Variants in SLC35E3 observed in about 807,000 individuals in gnomAD.
SLC35E3 encodes solute carrier family 35 member E3.
Under a neutral mutation model 30.8 loss-of-function variants are expected in SLC35E3, and 28 were observed. The ratio of observed to expected loss-of-function variants is 0.91; its 90% CI spans 0.67 to 1.25. The LOEUF (loss-of-function observed/expected upper bound fraction) is 1.25. SLC35E3 is among the 50% of genes most tolerant of loss of function. SLC35E3 has a pLI of 0.00. For missense variants in SLC35E3, 365 were observed against 375.4 expected, an observed-to-expected ratio of 0.97 and a Z score of 0.23; for synonymous variants, 146 against 149.2, an observed-to-expected ratio of 0.98 and a Z score of 0.16.
chr12:68,772,150 G>GC lies in SLC35E3; in HGVS notation c.*7262dup, dbSNP rs1457772916. ...CCTCCCGGGTTCAAGCGATTCTCCC[G>GC]CCTCTGCCTCCCGAGTAGCTGAGAT... On this transcript the variant is annotated 3_prime_UTR_variant, in exon 5 of 5. Transcript: ENST00000398004. The GC allele has an allele frequency of 6.6e-6, 1 of 151,684 alleles. No homozygotes were observed. Among genetic ancestry groups the GC allele is most frequent in the Admixed American group, 6.6e-5 (1 of 15,190 alleles). 9.4% of individuals were successfully genotyped at this position (151,684 alleles called of 1,614,324 possible).
chr12:68,747,419 G>A (rs900349100), intron 1 of SLC35E3, among the ~76,000 whole-genome samples: 97 of 152,140 alleles, frequency 6.4e-4, no homozygotes, highest in South Asian at 2.1e-4. Context: ...ACAGGCATGC[G>A]CCACCACGCC....
rs1389117466 is a variant in SLC35E3 at position 68,774,837 on chromosome 12, A to AG, written c.*9947_*9948insG. The AG allele has an allele frequency of 0.29, 41,589 of 143,374 alleles. 7,568 individuals are homozygous for AG. The highest frequency in any genetic ancestry group is 0.41 in the Non-Finnish European group (27,018 of 65,562). 8.9% of individuals were successfully genotyped at this position (143,374 alleles called of 1,614,324 possible). ...CCTATCTCTTAAAAAAAAAAAAAAA[A>AG]AGATAAAATAAAAGAAATTGGGTCT... On this transcript the variant is annotated 3_prime_UTR_variant, in exon 5 of 5. Transcript: ENST00000398004.
chr12:68,764,716 C>A lies in SLC35E3; in HGVS notation c.768C>A (p.Phe256Leu). The A allele has an allele frequency of 1.2e-6, 2 of 1,613,626 alleles. No individual in the cohort carries two copies. Among genetic ancestry groups the A allele is most frequent in the South Asian group, 1.1e-5 (1 of 90,992 alleles). The part of the protein sequence containing the change: ...GNTSPVTYNM[F>L]GHFKFCITLF... Reference sequence around the variant, plus strand: ...CCAAAAACCTCAGCTATAACATGTTCGGACACTTCAAGTTCTGCATTACTT... The same window carrying A: ...CCAAAAACCTCAGCTATAACATGTTAGGACACTTCAAGTTCTGCATTACTT... The change falls in exon 5 of 5, where the codon TTC (phenylalanine) becomes TTA (leucine). Residue 256 changes from phenylalanine (F) to leucine (L), a missense_variant. Physicochemically the swap from Phe to Leu is conservative, Grantham distance 22 (BLOSUM62 0). Coordinates refer to ENST00000398004, the MANE Select transcript of SLC35E3 (RefSeq NM_018656.5).
chr12:68,749,637 C>T (rs1878717940), intron 2 of SLC35E3, among the ~76,000 whole-genome samples: 1 of 152,150 alleles, frequency 6.6e-6, no homozygotes, highest in Non-Finnish European at 1.5e-5. Flanking sequence ...GAAGTGGCAG[C>T]TCTTAAAGAG....
In SLC35E3 at chr12:68,765,091, A is replaced by G. The variant is rs2136079807; in HGVS notation, c.*201A>G. Reference sequence around the variant, plus strand: ...GACCAACATGGAGAAACCCTGTCTCAACTAATAATACAAAATTAGCCAGGC... The same window carrying G: ...GACCAACATGGAGAAACCCTGTCTCGACTAATAATACAAAATTAGCCAGGC... On this transcript the variant is annotated 3_prime_UTR_variant, in exon 5 of 5. Transcript: ENST00000398004. 3 of 400,636 alleles carry G rather than the reference A, an allele frequency of 7.5e-6. No individual in the cohort carries two copies. In the South Asian group the frequency reaches 1.0e-4, roughly 14 times the overall value. 24.8% of individuals were successfully genotyped at this position (400,636 alleles called of 1,614,324 possible). A position where few individuals can be genotyped will look rare whatever the true frequency, so the allele number is the denominator to read the frequency against.
chr12:68,772,046 T>A lies in SLC35E3; in HGVS notation c.*7156T>A, dbSNP rs1369378361. On this transcript the variant is annotated 3_prime_UTR_variant, in exon 5 of 5. Transcript: ENST00000398004. ...CTTTTTTTTAATTTTAATTTTTATT[T>A]TTTATTTTTTGAGACAGAGTTTCCT... 1.3e-5 allele frequency: 2 copies of A among 152,100 alleles called. No homozygotes were observed. Among genetic ancestry groups the A allele is most frequent in the Non-Finnish European group, 1.5e-5 (1 of 68,030 alleles). The allele number at this position is 152,100 out of a possible 1,614,324, so 9.4% of individuals were successfully genotyped here.
At chr12:68,747,114 G>A (rs941919043) in intron 1 of SLC35E3, among the ~76,000 whole-genome samples, 5 of 152,042 alleles carry the variant, frequency 3.3e-5, no homozygotes, top group African/African-American at 1.2e-4. Flanking sequence ...CTCCCCCAGG[G>A]GAATCAAATC....
intron 1 of SLC35E3, among the ~76,000 whole-genome samples, chr12:68,747,081 A>G (rs1878612769): frequency 6.6e-6 from 1 of 152,192 alleles, no homozygotes. Flanking sequence ...ATATCTGCAA[A>G]AGCTCAAACA....
intron 3 of SLC35E3, among the ~76,000 whole-genome samples, chr12:68,753,846 C>T (rs974967437): frequency 6.1e-5 from 9 of 148,502 alleles, no homozygotes; most frequent in Non-Finnish European, 1.3e-4. Context: ...CCCAATTAAA[C>T]ATCTATTTCT....
intron 4 of SLC35E3, among the ~76,000 whole-genome samples, chr12:68,762,942 G>A (rs1436011183): frequency 2.0e-5 from 3 of 152,044 alleles, no homozygotes; most frequent in African/African-American, 4.8e-5. Flanking sequence ...TGTGAACACT[G>A]AGCTCTGCCA....
intron 2 of SLC35E3, among the ~76,000 whole-genome samples, chr12:68,749,554 C>CG (rs1878714909): frequency 6.6e-6 from 1 of 152,126 alleles, no homozygotes; most frequent in Non-Finnish European, 1.5e-5. Flanking sequence ...AGTGTAGAAA[C>CG]ACAAAGAGAC....
chr12:68,761,951 C>T (rs1464216786), intron 4 of SLC35E3, among the ~76,000 whole-genome samples: 2 of 151,858 alleles, frequency 1.3e-5, no homozygotes, highest in Admixed American at 1.3e-4. Context: ...GTGCTCAGTT[C>T]GGGGAGTATT....
rs1419138587 is a variant in SLC35E3 at position 68,781,445 on chromosome 12, A to G, written c.*16555A>G. On this transcript the variant is annotated 3_prime_UTR_variant, in exon 5 of 5. Coordinates refer to ENST00000398004, the MANE Select transcript of SLC35E3 (RefSeq NM_018656.5). ...ATCCCATGACTACTCTGTTTTGCTA[A>G]TAATAAACCAATACAGTGCTACAGA... 1 of 152,220 alleles carries G rather than the reference A, an allele frequency of 6.6e-6. No homozygotes were observed. Among genetic ancestry groups the G allele is most frequent in the Non-Finnish European group, 1.5e-5 (1 of 68,042 alleles). The allele number at this position is 152,220 out of a possible 1,614,324, so 9.4% of individuals were successfully genotyped here.
chr12:68,759,931 G>C, intron 4 of SLC35E3: 1 of 152,370 alleles, frequency 6.6e-6, no homozygotes. Context: ...TAGAGGAATG[G>C]TTAACAAATA....
intron 4 of SLC35E3, 65 bp downstream of exon 4, chr12:68,759,304 T>C (rs1879160160): frequency 2.6e-6 from 3 of 1,156,594 alleles, no homozygotes. Flanking sequence ...TTACATTCAT[T>C]ACCTTATTTG....
At chr12:68,763,177 A>T (rs1358521620) in intron 4 of SLC35E3, among the ~76,000 whole-genome samples, 1 of 152,192 alleles carries the variant, frequency 6.6e-6, no homozygotes, top group Non-Finnish European at 1.5e-5. Context: ...TGTGTATATT[A>T]ACTTATTTAA....
intron 2 of SLC35E3, 132 bp from the exon 3 acceptor site, chr12:68,751,900 A>G: frequency 1.3e-6 from 1 of 786,608 alleles, no homozygotes; most frequent in Non-Finnish European, 1.9e-6. Context: ...GAAATCTTGT[A>G]GAATAATTAG....
chr12:68,774,340 A>C lies in SLC35E3; in HGVS notation c.*9450A>C. 1 of 152,158 alleles carries C rather than the reference A, an allele frequency of 6.6e-6. No individual in the cohort carries two copies. Among genetic ancestry groups the C allele is most frequent in the Non-Finnish European group, 1.5e-5 (1 of 68,074 alleles). 9.4% of individuals were successfully genotyped at this position (152,158 alleles called of 1,614,324 possible). ...CACACCTGCAATCTCAGCACTTTGG[A>C]AGGCTGAGGTGGGTGGATCACCTGA... On this transcript the variant is annotated 3_prime_UTR_variant, in exon 5 of 5. Transcript: ENST00000398004.
Position 68,746,760 on chromosome 12 carries a change from C to T in SLC35E3, c.383C>T (p.Thr128Ile), listed in dbSNP as rs886281425. 3 of 1,591,698 alleles carry T rather than the reference C, an allele frequency of 1.9e-6. No individual in the cohort carries two copies. Among genetic ancestry groups the T allele is most frequent in the Non-Finnish European group, 2.6e-6 (3 of 1,165,486 alleles). Residue 128 changes from threonine to isoleucine, a missense_variant, in exon 1 of 5, where the codon ACC becomes ATC. Transcript: ENST00000398004. The part of the protein sequence containing the change: ...QTFCYQKTFS[T>I]RIQLTLIPIT... ...TTCTGCTACCAGAAAACCTTCTCCA[C>T]CAGAATCCAGCTCACGCTGGTGAGT...
Sources: allele counts gnomAD v4.1 joint callset (sites outside exome capture counted in the v4.1 genomes callset), GRCh38; gene constraint gnomAD v4.1.1; transcripts MANE v1.5; gene names NCBI Gene and HGNC (gene_info 2026-07-23, HGNC 2026-07-21).